Variants in IL1R1 observed in about 807,000 individuals in gnomAD.
IL1R1 encodes the protein interleukin 1 receptor type 1, also known as interleukin-1 receptor type 1.
A neutral mutation model predicts 50.2 loss-of-function variants in IL1R1; 22 were observed. The observed-to-expected ratio is 0.44, with a 90% CI of 0.31 to 0.63. The LOEUF is 0.63. Among genes scored for constraint, IL1R1 ranks in the 20% least tolerant of loss-of-function variants. The pLI, the probability that IL1R1 is intolerant of heterozygous loss-of-function variation, is 0.07. For synonymous variants in IL1R1, 251 were observed against 236.7 expected (o/e 1.06, Z -0.55); for missense variants, 509 against 676.2 (o/e 0.75, Z 2.74).
chr2:102,157,957 G>A (rs929898240), intron 3 of IL1R1, among the ~76,000 whole-genome samples, 172 bp downstream of exon 3: 4 of 152,168 alleles, frequency 2.6e-5, no homozygotes, highest in East Asian at 1.9e-4. Flanking sequence ...CAGCATCTTC[G>A]TCTCATTCTC....
At chr2:102,093,479 T>A (rs920029210) in intron 1 of IL1R1, among the ~76,000 whole-genome samples, 1 of 152,198 alleles carries the variant, frequency 6.6e-6, no homozygotes, top group Non-Finnish European at 1.5e-5. Flanking sequence ...GAGTTCCAGT[T>A]CATCCACATC....
At chr2:102,146,691 T>C (rs1286130351) in intron 1 of IL1R1, among the ~76,000 whole-genome samples, 1 of 152,226 alleles carries the variant, frequency 6.6e-6, no homozygotes, top group African/African-American at 2.4e-5. Flanking sequence ...TATATGTATT[T>C]CATATGAATG....
intron 1 of IL1R1, among the ~76,000 whole-genome samples, chr2:102,095,790 G>A (rs181519169): frequency 5.9e-5 from 9 of 152,264 alleles, no homozygotes; most frequent in African/African-American, 2.2e-4. Flanking sequence ...GGATCATGAG[G>A]TTAGGAGATC....
intron 1 of IL1R1, among the ~76,000 whole-genome samples, chr2:102,093,961 T>C (rs1252834256): frequency 6.6e-6 from 1 of 152,196 alleles, no homozygotes; most frequent in Admixed American, 6.5e-5. Context: ...GCCTCCGTCC[T>C]GAGCTTCACC....
chr2:102,130,225 T>A (rs1251688389), intron 1 of IL1R1, among the ~76,000 whole-genome samples: 2 of 152,216 alleles, frequency 1.3e-5, no homozygotes, highest in African/African-American at 4.8e-5. Flanking sequence ...AAAGTAGTTT[T>A]GACCTTGAAG....
chr2:102,113,981 A>G (rs761278052), intron 1 of IL1R1, among the ~76,000 whole-genome samples: 5 of 152,236 alleles, frequency 3.3e-5, no homozygotes, highest in Non-Finnish European at 7.3e-5. Context: ...CATTATGCCA[A>G]AATAGTAAGG....
rs146526973 is a variant in IL1R1 at position 102,132,759 on chromosome 2, G to A, written c.-83-21182G>A. 2.3e-3 allele frequency among the ~76,000 whole-genome samples: 349 copies of A among 152,202 alleles called. 3 individuals carry two copies. The highest frequency in any genetic ancestry group is 7.8e-3 in the African/African-American group (325 of 41,542). On this transcript the variant is annotated intron_variant, in intron 1 of 10. Transcript: ENST00000409329. ...CAGAACAATCAATGGTAGGAACTAG[G>A]TAATATCACTATACTACACCACAAA...
At chr2:102,124,285 G>T (rs564834973) in intron 1 of IL1R1, among the ~76,000 whole-genome samples, 33 of 151,856 alleles carry the variant, frequency 2.2e-4, no homozygotes, top group Non-Finnish European at 3.8e-4. Flanking sequence ...AGCCAAGCAT[G>T]GTGGTGCGCC....
At chr2:102,167,787 G>A (rs1320123925) in intron 6 of IL1R1, among the ~76,000 whole-genome samples, 1 of 151,954 alleles carries the variant, frequency 6.6e-6, no homozygotes, top group African/African-American at 2.4e-5. Flanking sequence ...TTCCTTTTCT[G>A]ATCCCATTTG....
intron 1 of IL1R1, among the ~76,000 whole-genome samples, chr2:102,129,673 C>T (rs1050153834): frequency 2.6e-5 from 4 of 152,210 alleles, no homozygotes; most frequent in Non-Finnish European, 5.9e-5. Flanking sequence ...CAGCTGTTGA[C>T]GAGGGTGCCC....
intron 3 of IL1R1, among the ~76,000 whole-genome samples, chr2:102,160,898 A>G (rs569343289): frequency 3.2e-4 from 48 of 152,280 alleles, no homozygotes; most frequent in African/African-American, 1.1e-3. Context: ...ACTAAGTAAT[A>G]CAAATCTTTC....
intron 1 of IL1R1, among the ~76,000 whole-genome samples, chr2:102,112,935 G>C (rs1156437125): frequency 6.6e-6 from 1 of 152,302 alleles, no homozygotes; most frequent in East Asian, 1.9e-4. Context: ...AGAGGCCAGA[G>C]AACTAGCTAG....
chr2:102,116,208 CTTTG>C (rs1343745313), intron 1 of IL1R1, among the ~76,000 whole-genome samples: 14 of 152,318 alleles, frequency 9.2e-5, no homozygotes, highest in African/African-American at 2.4e-4. Flanking sequence ...GCTTCTAACA[CTTTG>C]TTTGTCTCTC....
rs556035328 is a variant in IL1R1 at position 102,147,464 on chromosome 2, G to A, written c.-84+4444G>A. Among the ~76,000 whole-genome samples the A allele has an allele frequency of 3.9e-5, 6 of 152,238 alleles. No homozygotes were observed. In the East Asian group the frequency reaches 9.7e-4, roughly 25 times the overall value. On this transcript the variant is annotated intron_variant, in intron 1 of 11. Transcript: ENST00000410023. ...CCAGTGCAATAGTGGCCTTGGCATC[G>A]TAGACCCTGGTGGCTGGAGAGGAGA...
chr2:102,166,889 A>T (rs965112402), intron 6 of IL1R1, among the ~76,000 whole-genome samples: 6 of 152,196 alleles, frequency 3.9e-5, no homozygotes, highest in Non-Finnish European at 7.3e-5. Flanking sequence ...TAGGTGTAGG[A>T]TGATTGTTCT....
rs73943973 is a variant in IL1R1 at position 102,093,141 on chromosome 2, C to A, written c.-84+22608C>A. Among the ~76,000 whole-genome samples, 1,165 of 152,040 alleles carry A rather than the reference C, an allele frequency of 7.7e-3. 14 individuals are homozygous for A. The highest frequency in any genetic ancestry group is 0.027 in the African/African-American group (1,116 of 41,472). On this transcript the variant is annotated intron_variant, in intron 1 of 11. Coordinates refer to the IL1R1 transcript ENST00000409929. ...TGTTATTCAAGTAACTCACGTAGAA[C>A]GTTTCTGAGGATTTAAGTTCCTATG...
intron 1 of IL1R1, among the ~76,000 whole-genome samples, chr2:102,094,816 C>CAT (rs3047446): frequency 0.14 from 21,906 of 151,890 alleles, 1,774 homozygotes; most frequent in East Asian, 0.37. Flanking sequence ...GAACAGGTTG[C>CAT]ATATATATAC....
At chr2:102,082,355 G>C (rs1250003123) in intron 1 of IL1R1, among the ~76,000 whole-genome samples, 3 of 152,134 alleles carry the variant, frequency 2.0e-5, no homozygotes. Context: ...GAAAAAAATT[G>C]CTGATAATCT....
intron 7 of IL1R1, among the ~76,000 whole-genome samples, chr2:102,171,082 A>G (rs978689232): frequency 5.3e-5 from 8 of 152,232 alleles, no homozygotes; most frequent in African/African-American, 1.9e-4. Flanking sequence ...ATGGAATTAA[A>G]TAATGGATAG....
Sources: allele counts gnomAD v4.1 joint callset (sites outside exome capture counted in the v4.1 genomes callset), GRCh38; gene constraint gnomAD v4.1.1; transcripts MANE v1.5; gene names NCBI Gene and HGNC (gene_info 2026-07-23, HGNC 2026-07-21).